The following FBXW9 variants were observed in gnomAD, a reference collection of about 807,000 sequenced individuals.
FBXW9 encodes F-box and WD repeat domain containing 9.
Under a neutral mutation model 55.8 loss-of-function variants are expected in FBXW9, and 38 were observed. The ratio of observed to expected loss-of-function variants is 0.68; its 90% CI spans 0.53 to 0.89. The LOEUF is 0.89. Among genes scored for constraint, FBXW9 ranks in the 40% least tolerant of loss-of-function variants. The probability of loss-of-function intolerance (pLI) is 0.00; values close to 1 mark genes in which losing one functional copy is unlikely to be tolerated. For synonymous variants in FBXW9, 289 were observed against 278.2 expected, an observed-to-expected ratio of 1.04 and a Z score of -0.38; for missense variants, 590 against 619.4, an observed-to-expected ratio of 0.95 and a Z score of 0.50.
chr19:12,692,423 T>C (rs1209667703), intron 3 of FBXW9, among the ~76,000 whole-genome samples: 1 of 151,308 alleles, frequency 6.6e-6, no homozygotes. Context: ...CCGGGGTTTC[T>C]CCATGTTGGT....
At chr19:12,693,515 A>T (rs1173206505) in intron 3 of FBXW9, among the ~76,000 whole-genome samples, 1 of 29,980 alleles carries the variant, frequency 3.3e-5, no homozygotes, top group East Asian at 5.3e-4. Context: ...AAAAAAAAAA[A>T]AAAAAAAAAA....
At chr19:12,691,029 T>C (rs2145402344) in intron 5 of FBXW9, 137 bp downstream of exon 5, 3 of 811,766 alleles carry the variant, frequency 3.7e-6, no homozygotes, top group Non-Finnish European at 6.2e-6. Context: ...TTGCCTGTAT[T>C]GTACCAGCAC....
chr19:12,689,494 G>C lies in FBXW9; in HGVS notation c.1236+47C>G. ...TGTGCCCCTGGCTGATGGAGGTAGG[G>C]GAGAGGCAGGGACTGTCCTGGGGTG... On this transcript the variant is annotated intron_variant, in intron 8 of 9. Transcript: ENST00000393261. This position sits in a 1 kb window ranked among gnomAD's most constrained non-coding sequence, Gnocchi z 5.9. 4 of 1,613,792 alleles carry C rather than the reference G, an allele frequency of 2.5e-6. No homozygotes were observed.
chr19:12,693,148 A>G (rs1205872889), intron 3 of FBXW9, among the ~76,000 whole-genome samples: 3 of 152,062 alleles, frequency 2.0e-5, no homozygotes, highest in African/African-American at 4.8e-5. Context: ...GAAGCAGCAC[A>G]GTGAGAATTT....
chr19:12,695,698 T>C (rs2025062527), intron 1 of FBXW9, among the ~76,000 whole-genome samples: 1 of 152,164 alleles, frequency 6.6e-6, no homozygotes, highest in African/African-American at 2.4e-5. Flanking sequence ...GTCTCACCCC[T>C]AACTGGGTCA....
intron 4 of FBXW9, 25 bp downstream of exon 4, chr19:12,691,317 G>T: frequency 5.6e-6 from 9 of 1,612,648 alleles, no homozygotes; most frequent in Non-Finnish European, 7.6e-6. Context: ...ATCCCCGCAG[G>T]CCCCCTGCCC....
intron 1 of FBXW9, among the ~76,000 whole-genome samples, chr19:12,695,462 C>T (rs1599397629): frequency 1.3e-5 from 2 of 152,244 alleles, no homozygotes; most frequent in South Asian, 2.1e-4. Flanking sequence ...AGAGTCTGAC[C>T]TGGGGGTTGG....
chr19:12,695,590 G>A (rs1465423097), intron 1 of FBXW9, among the ~76,000 whole-genome samples: 2 of 152,092 alleles, frequency 1.3e-5, no homozygotes, highest in African/African-American at 2.4e-5. Context: ...TTGGCTTAAG[G>A]GCCTGAGGAT....
At chr19:12,693,557 TATATACACACACACACACACACACACAC>T (rs1438756437) in intron 3 of FBXW9, among the ~76,000 whole-genome samples, 619 of 16,744 alleles carry the variant, frequency 0.037, 74 homozygotes, top group African/African-American at 0.1. Context: ...TATATATATA[TATATACACACACACACACACACACACAC>T]ACACACACAC....
At position 12,694,651 on chromosome 19, in the gene FBXW9, C is replaced by G; in HGVS notation, c.621G>C (p.Thr207=). ...TCTTGATCAGAACCTGGTTGGACTC[C>G]GTCCCCAGCTGCCGCAGGTCCCACA... ...VNLWDLRQLG[T]ESNQVLIKTL... The change falls in exon 3 of 10, where the codon ACG becomes ACC. Residue 207 remains threonine (T), a synonymous_variant. Transcript: ENST00000393261. The G allele has an allele frequency of 6.2e-7, 1 of 1,614,194 alleles. No individual in the cohort carries two copies. Among genetic ancestry groups the G allele is most frequent in the Non-Finnish European group, 8.5e-7 (1 of 1,180,050 alleles).
intron 3 of FBXW9, 71 bp downstream of exon 3, chr19:12,694,523 C>T (rs867674860): frequency 1.3e-6 from 2 of 1,547,764 alleles, no homozygotes. Flanking sequence ...CGGTCCTGTA[C>T]CAAAACCTGG....
rs545323919 is a variant in FBXW9, at chr19:12,692,802, G to A, written c.679-1348C>T. ...GCCTCCCAAAGTGTTAGGATTACAGGCCTGAGCAACTAACTGCACCCTGGC... is the reference window on the plus strand; with the variant it reads ...GCCTCCCAAAGTGTTAGGATTACAGACCTGAGCAACTAACTGCACCCTGGC... On this transcript the variant is annotated intron_variant, in intron 3 of 9. Coordinates refer to ENST00000393261, the MANE Select transcript of FBXW9 (RefSeq NM_032301.3). Among the ~76,000 whole-genome samples the A allele has an allele frequency of 2.0e-5, 3 of 152,332 alleles. No individual in the cohort carries two copies. In the East Asian group the frequency reaches 5.8e-4, roughly 29 times the overall value.
chr19:12,689,750 C>T lies in FBXW9; in HGVS notation c.1146+11G>A, dbSNP rs370748470. 82 of 1,612,802 alleles carry T rather than the reference C, an allele frequency of 5.1e-5. No individual in the cohort carries two copies. The African/African-American group carries it at 1.0e-3, about 20-fold the overall frequency. On this transcript the variant is annotated intron_variant, in intron 7 of 9. Coordinates refer to ENST00000393261, the MANE Select transcript of FBXW9 (RefSeq NM_032301.3). This position sits in a 1 kb window ranked among gnomAD's most constrained non-coding sequence, Gnocchi z 5.9. ...GGGGAGGGACAGTCAGGGGCAGGAG[C>T]TCCAGCAGACCCGGATAAGCTGGAA...
chr19:12,693,344 T>C (rs1599395653), intron 3 of FBXW9, among the ~76,000 whole-genome samples: 2 of 151,186 alleles, frequency 1.3e-5, no homozygotes, highest in African/African-American at 2.4e-5. Flanking sequence ...CTGACGTCTA[T>C]TGAGCACCTA....
At chr19:12,695,847 A>G (rs1301527854) in intron 1 of FBXW9, among the ~76,000 whole-genome samples, 2 of 152,148 alleles carry the variant, frequency 1.3e-5, no homozygotes, top group Non-Finnish European at 2.9e-5. Flanking sequence ...CCCTGTGTCA[A>G]TCCCCAATCA....
chr19:12,691,291 G>A (rs997135355), intron 4 of FBXW9, 34 bp from the exon 5 acceptor site: 4 of 1,613,694 alleles, frequency 2.5e-6, no homozygotes, highest in Non-Finnish European at 3.4e-6. Context: ...CTTTGGCTGT[G>A]GCCAGACAGG....
chr19:12,694,236 G>A (rs1246441370), intron 3 of FBXW9, among the ~76,000 whole-genome samples: 1 of 150,810 alleles, frequency 6.6e-6, no homozygotes, highest in African/African-American at 2.5e-5. Context: ...AGCTACTCAG[G>A]AGGCTGAGGC....
At chr19:12,691,478 C>T in intron 3 of FBXW9, 24 bp from the exon 4 acceptor site, 1 of 1,525,278 alleles carries the variant, frequency 6.6e-7, no homozygotes. Context: ...GCAGCAGTCA[C>T]ACACCTGCCA....
chr19:12,690,041 C>G lies in FBXW9; in HGVS notation c.953G>C (p.Arg318Pro). The G allele has an allele frequency of 6.2e-7, 1 of 1,614,052 alleles. No individual in the cohort carries two copies. Among genetic ancestry groups the G allele is most frequent in the Non-Finnish European group, 8.5e-7 (1 of 1,180,036 alleles). The stretch of plus-strand genomic sequence containing the variant: ...GTCCTCGCTGCCTGAGATGATGTGC[C>G]GGTCATCCGCCAGCAGGGTCAGCAC... The part of the protein sequence containing the change: ...RPVLTLLADD[R>P]HIISGSEDHT... The change falls in exon 6 of 10, where the codon CGG (arginine) becomes CCG (proline). Residue 318 changes from arginine to proline, a missense_variant. By Grantham distance (103) the Arg-to-Pro change is moderately radical (BLOSUM62 -2). Transcript: ENST00000393261.
Sources: gnomAD v4.1 joint callset for allele counts (sites outside exome capture counted in the v4.1 genomes callset) on GRCh38, gnomAD v4.1.1 for gene constraint, Gnocchi (gnomAD v3.1) non-coding constraint, MANE v1.5 for transcripts, NCBI Gene and HGNC (gene_info 2026-07-23, HGNC 2026-07-21) for gene names.